The following CNTNAP2 variants were observed in gnomAD, a reference collection of about 807,000 sequenced individuals.
The protein encoded by CNTNAP2 is contactin-associated protein-like 2.
In CNTNAP2, 98 loss-of-function variants were observed where a neutral mutation model predicts 155.2. The ratio of observed to expected loss-of-function variants is 0.63; its 90% CI spans 0.54 to 0.75. CNTNAP2 has a LOEUF of 0.75. Ranked by LOEUF, CNTNAP2 falls within the 30% of genes least tolerant of loss-of-function variation. The probability of loss-of-function intolerance (pLI) is 0.00; values close to 1 mark genes in which losing one functional copy is unlikely to be tolerated. For missense variants in CNTNAP2, 1,727 were observed against 1,688.1 expected, an observed-to-expected ratio of 1.02 and a Z score of -0.40; for synonymous variants, 651 against 631.2, an observed-to-expected ratio of 1.03 and a Z score of -0.47.
intron 13 of CNTNAP2, among the ~76,000 whole-genome samples, chr7:147,770,787 TC>T (rs1797456828): frequency 6.6e-6 from 1 of 152,160 alleles, no homozygotes; most frequent in Non-Finnish European, 1.5e-5. Flanking sequence ...CCAAAATTGA[TC>T]TGTAGAGTAA....
intron 9 of CNTNAP2, among the ~76,000 whole-genome samples, chr7:147,307,652 T>C (rs1795056277): frequency 6.6e-6 from 1 of 152,196 alleles, no homozygotes; most frequent in African/African-American, 2.4e-5. Flanking sequence ...ATATAAGTCC[T>C]TAAACTCAAA....
At chr7:147,612,628 T>G (rs1184334913) in intron 12 of CNTNAP2, among the ~76,000 whole-genome samples, 1 of 152,070 alleles carries the variant, frequency 6.6e-6, no homozygotes, top group Non-Finnish European at 1.5e-5. Context: ...CTCAAATTCC[T>G]GAGCTCAGGC....
At chr7:148,001,397 C>T (rs1240730517) in intron 15 of CNTNAP2, among the ~76,000 whole-genome samples, 1 of 152,226 alleles carries the variant, frequency 6.6e-6, no homozygotes, top group Non-Finnish European at 1.5e-5. Flanking sequence ...GCAGAGTTCT[C>T]AGCAGCCCAC....
At chr7:147,281,530 T>G (rs1805033799) in intron 8 of CNTNAP2, among the ~76,000 whole-genome samples, 1 of 151,706 alleles carries the variant, frequency 6.6e-6, no homozygotes, top group Non-Finnish European at 1.5e-5. Flanking sequence ...ATTTAGTTCA[T>G]AACTACAATC....
intron 22 of CNTNAP2, among the ~76,000 whole-genome samples, chr7:148,404,331 G>A (rs1056628966): frequency 1.3e-5 from 2 of 152,210 alleles, no homozygotes; most frequent in East Asian, 1.9e-4. Flanking sequence ...GTCTGAGGTC[G>A]CTGAGGATAC....
intron 3 of CNTNAP2, among the ~76,000 whole-genome samples, chr7:146,995,035 C>A (rs1798280827): frequency 6.6e-6 from 1 of 152,044 alleles, no homozygotes; most frequent in Non-Finnish European, 1.5e-5. Context: ...CTATTCTCTA[C>A]TTCTATGAGA....
chr7:147,833,051 A>G (rs1798578816), intron 13 of CNTNAP2, among the ~76,000 whole-genome samples: 1 of 150,944 alleles, frequency 6.6e-6, no homozygotes, highest in Non-Finnish European at 1.5e-5. Flanking sequence ...AGCTGAAAAG[A>G]GTTCTTTCAG....
intron 11 of CNTNAP2, among the ~76,000 whole-genome samples, chr7:147,514,955 T>C (rs1799092630): frequency 6.6e-6 from 1 of 152,178 alleles, no homozygotes; most frequent in Non-Finnish European, 1.5e-5. Flanking sequence ...AAATATGCAT[T>C]CTGGTCATGT....
intron 18 of CNTNAP2, among the ~76,000 whole-genome samples, chr7:148,197,161 T>C (rs902828314): frequency 6.6e-6 from 1 of 152,182 alleles, no homozygotes; most frequent in Non-Finnish European, 1.5e-5. Context: ...TTACTTCAAA[T>C]AGCATTCATC....
intron 1 of CNTNAP2, among the ~76,000 whole-genome samples, chr7:146,434,486 C>A (rs796593559): frequency 4.6e-5 from 7 of 152,238 alleles, no homozygotes; most frequent in African/African-American, 1.7e-4. Context: ...ACTATTAGTT[C>A]ATAACCCTCA....
At chr7:148,119,367 C>A (rs1216622872) in intron 16 of CNTNAP2, among the ~76,000 whole-genome samples, 9 of 146,168 alleles carry the variant, frequency 6.2e-5, no homozygotes, top group Non-Finnish European at 7.5e-5. Context: ...ACTAAAAATA[C>A]AAAAAAAAAA....
intron 12 of CNTNAP2, among the ~76,000 whole-genome samples, chr7:147,611,805 T>TGATGCTACCTGA (rs1801191887): frequency 1.3e-5 from 2 of 152,344 alleles, no homozygotes. Flanking sequence ...CATACATAGC[T>TGATGCTACCTGA]GGCATTATGG....
chr7:148,030,371 C>A (rs1802454452), intron 15 of CNTNAP2, among the ~76,000 whole-genome samples: 1 of 152,106 alleles, frequency 6.6e-6, no homozygotes, highest in African/African-American at 2.4e-5. Flanking sequence ...TGTCAATGTA[C>A]TTAATATGCC....
chr7:146,969,303 G>A (rs989067182), intron 3 of CNTNAP2, among the ~76,000 whole-genome samples: 8 of 152,134 alleles, frequency 5.3e-5, no homozygotes, highest in Non-Finnish European at 1.0e-4. Context: ...TTGGGGTGGA[G>A]AGGTCTGTAG....
intron 3 of CNTNAP2, among the ~76,000 whole-genome samples, chr7:147,028,060 G>A (rs749223944): frequency 2.6e-5 from 4 of 152,138 alleles, no homozygotes; most frequent in Admixed American, 6.5e-5. Context: ...ATTTAGATGG[G>A]AATGAGACCT....
intron 16 of CNTNAP2, among the ~76,000 whole-genome samples, chr7:148,134,609 C>T (rs1200739058): frequency 4.6e-5 from 7 of 152,056 alleles, no homozygotes; most frequent in African/African-American, 7.2e-5. Flanking sequence ...TTTAAATGCC[C>T]TCTAATTTTC....
intron 1 of CNTNAP2, among the ~76,000 whole-genome samples, chr7:146,557,545 G>A (rs149276878): frequency 8.3e-4 from 126 of 152,182 alleles, no homozygotes; most frequent in African/African-American, 2.8e-3. Flanking sequence ...TTTCAGGGCT[G>A]ATAAGAGGCC....
chr7:147,681,922 AGG>A (rs1327897933), intron 13 of CNTNAP2, among the ~76,000 whole-genome samples: 1 of 151,922 alleles, frequency 6.6e-6, no homozygotes, highest in East Asian at 1.9e-4. Context: ...CCATGGATAA[AGG>A]GGGAATTACT....
intron 10 of CNTNAP2, among the ~76,000 whole-genome samples, chr7:147,454,962 A>G (rs1047777613): frequency 6.6e-6 from 1 of 152,076 alleles, no homozygotes; most frequent in African/African-American, 2.4e-5. Flanking sequence ...ATGGTCTTTA[A>G]TCTTACTTTT....
Sources: gnomAD v4.1 joint callset for allele counts (sites outside exome capture counted in the v4.1 genomes callset) on GRCh38, gnomAD v4.1.1 for gene constraint, MANE v1.5 for transcripts, NCBI Gene and HGNC (gene_info 2026-07-23, HGNC 2026-07-21) for gene names.